CFAP44: variants seen among roughly 807,000 people sequenced by gnomAD.
CFAP44 encodes cilia- and flagella-associated protein 44.
A neutral mutation model predicts 216.2 loss-of-function variants in CFAP44; 134 were observed. The observed-to-expected ratio is 0.62, with a 90% confidence interval of 0.54 to 0.72. The LOEUF (loss-of-function observed/expected upper bound fraction) is 0.72, where lower values mean the gene tolerates loss of function less well. Among genes scored for constraint, CFAP44 ranks in the 30% least tolerant of loss-of-function variants. CFAP44 has a pLI of 0.00. For synonymous variants in CFAP44, 700 were observed against 727.6 expected (o/e 0.96, Z 0.61); for missense variants, 2,035 against 2,182.1 (o/e 0.93, Z 1.34).
chr3:113,427,969 T>C (rs1043286513), intron 2 of CFAP44, among the ~76,000 whole-genome samples: 2 of 152,136 alleles, frequency 1.3e-5, no homozygotes, highest in African/African-American at 4.8e-5. Context: ...CAGAGCTACA[T>C]AGTAGATCTG....
chr3:113,395,847 G>T lies in CFAP44; in HGVS notation c.1793C>A (p.Thr598Asn). Residue 598 changes from threonine (T) to asparagine (N), a missense_variant, in exon 15 of 35, where the codon ACT (threonine) becomes AAT (asparagine). Around this residue, in one of 3 missense-constraint regions of CFAP44, gnomAD observed 1,883 missense variants for 2,023.7 expected, o/e 0.93. Coordinates refer to ENST00000393845, the MANE Select transcript of CFAP44 (RefSeq NM_001164496.2). ...CCTTTCCACTTCAAAGAAGAAAACA[G>T]TTTGATCTTTACTCTAAGGAAAAAG... Reference protein sequence around the residue: ...EILATGSKDQTVFFFEVERDY... With the variant: ...EILATGSKDQNVFFFEVERDY... The T allele has an allele frequency of 6.2e-7, 1 of 1,612,964 alleles. No individual in the cohort carries two copies. The highest frequency in any genetic ancestry group is 8.5e-7 in the Non-Finnish European group (1 of 1,179,388).
rs776599988 is a variant in CFAP44, at chr3:113,396,612, T to C, written c.1685A>G (p.Asp562Gly). 7 of 1,614,126 alleles carry C rather than the reference T, an allele frequency of 4.3e-6. No homozygotes were observed. In the South Asian group the frequency reaches 6.6e-5, roughly 15 times the overall value. The change falls in exon 14 of 35, where the codon GAT (aspartate) becomes GGT (glycine). Residue 562 changes from aspartate to glycine, a missense_variant. Physicochemically the swap from Asp to Gly is moderately conservative, Grantham distance 94 (BLOSUM62 -1). Around this residue, in one of 3 missense-constraint regions of CFAP44, gnomAD observed 1,883 missense variants for 2,023.7 expected, o/e 0.93. Transcript: ENST00000393845. ...AACCTGTTTCAACTGAATATCAGCATCCAAAATTTTCTTCCGTCCCGCAAA... is the reference window on the plus strand; with the variant it reads ...AACCTGTTTCAACTGAATATCAGCACCCAAAATTTTCTTCCGTCCCGCAAA... ...TIFAGRKKILDADIQLKQVFK... is the reference protein window; with the variant it reads ...TIFAGRKKILGADIQLKQVFK...
At position 113,330,520 on chromosome 3, in the gene CFAP44, TTGGGAA is replaced by T. The variant is rs1467190051; in HGVS notation, c.3758_3763del (p.Ile1253_Pro1254del). The T allele has an allele frequency of 1.3e-6, 2 of 1,537,272 alleles. No homozygotes were observed. The highest frequency in any genetic ancestry group is 3.9e-5 in the Admixed American group (2 of 50,994). The stretch of plus-strand genomic sequence containing the variant: ...TTCTTCTGGGTGTATCTGAGGAATT[TTGGGAA>T]TGGGTATGTGCTTGGATATGTGAAG... On this transcript the variant is annotated inframe_deletion, in exon 26 of 35. Coordinates refer to ENST00000393845, the MANE Select transcript of CFAP44 (RefSeq NM_001164496.2).
intron 34 of CFAP44, 21 bp from the exon 35 acceptor site, chr3:113,291,769 C>T (rs538899148): frequency 2.5e-4 from 380 of 1,534,000 alleles, no homozygotes; most frequent in Non-Finnish European, 3.1e-4. Context: ...AAAACAGCTC[C>T]CTGTTGAAGC....
chr3:113,364,049 C>T (rs1241973473), intron 19 of CFAP44, among the ~76,000 whole-genome samples: 2 of 152,026 alleles, frequency 1.3e-5, no homozygotes, highest in Non-Finnish European at 2.9e-5. Flanking sequence ...ATATAATCCC[C>T]CTCCTTGAAA....
chr3:113,418,986 G>T (rs998858343), intron 5 of CFAP44, among the ~76,000 whole-genome samples: 2 of 152,204 alleles, frequency 1.3e-5, no homozygotes, highest in African/African-American at 2.4e-5. Flanking sequence ...TTATAGGCAT[G>T]AGCCACCGTG....
intron 2 of CFAP44, among the ~76,000 whole-genome samples, chr3:113,431,261 T>C (rs553216062): frequency 1.3e-5 from 2 of 152,144 alleles, no homozygotes; most frequent in Admixed American, 6.5e-5. Context: ...ACATTATCAT[T>C]TGGGAGTCTA....
At chr3:113,414,560 T>C (rs1190814696) in intron 6 of CFAP44, among the ~76,000 whole-genome samples, 2 of 152,222 alleles carry the variant, frequency 1.3e-5, no homozygotes, top group African/African-American at 4.8e-5. Context: ...TTGAGAGTTT[T>C]TGAAATGAAG....
In CFAP44 at chr3:113,426,201, G is replaced by A; in HGVS notation, c.330C>T (p.Phe110=). Residue 110 remains phenylalanine, a synonymous_variant, in exon 4 of 35, where the codon TTC becomes TTT. Transcript: ENST00000393845. ...EVKKKISESF[F]YDYMELASMP... is the part of the protein sequence containing the mutation. ...TCGAAGCAAGCTCCATATAATCATA[G>A]AAGAAGCTCTCTGATATTTTCTTCT... The A allele has an allele frequency of 6.2e-7, 1 of 1,614,156 alleles. No homozygotes were observed. The highest frequency in any genetic ancestry group is 8.5e-7 in the Non-Finnish European group (1 of 1,179,992).
Position 113,362,845 on chromosome 3 carries a change from AAAG to A in CFAP44, c.2934+297_2934+299del. ...TGTATCTGTTATTCATGTCTCTATA[AAAG>A]AAAACTTAAAAGAACTCTTGGGTTC... is the stretch of plus-strand genomic sequence containing the variant. On this transcript the variant is annotated intron_variant, in intron 21 of 34. Transcript: ENST00000393845. The A allele has an allele frequency of 3.5e-6, 4 of 1,127,066 alleles. No homozygotes were observed. In the South Asian group the frequency reaches 1.5e-4, roughly 41 times the overall value. 69.8% of individuals were successfully genotyped at this position (1,127,066 alleles called of 1,614,324 possible). A position where few individuals can be genotyped will look rare whatever the true frequency, so the allele number is the denominator to read the frequency against.
chr3:113,351,716 C>A (rs1395946361), intron 22 of CFAP44, among the ~76,000 whole-genome samples: 2 of 150,404 alleles, frequency 1.3e-5, no homozygotes, highest in Non-Finnish European at 3.0e-5. Context: ...CTCATACCAA[C>A]CTCTGGAGTT....
intron 33 of CFAP44, among the ~76,000 whole-genome samples, chr3:113,296,266 A>G (rs923499576): frequency 1.3e-5 from 2 of 152,184 alleles, no homozygotes; most frequent in African/African-American, 4.8e-5. Flanking sequence ...GGTATTCTAT[A>G]TACATATATA....
rs144955566 is a variant in CFAP44 at position 113,357,767 on chromosome 3, C to T, written c.3065+978G>A. ...AACTGAAGAGTGTAAATTTTCAAAC[C>T]GTTTTGAAAAACTGACAGGATCTAA... On this transcript the variant is annotated intron_variant, in intron 22 of 34. Transcript: ENST00000393845. Among the ~76,000 whole-genome samples, 416 of 152,178 alleles carry T rather than the reference C, an allele frequency of 2.7e-3. 3 individuals carry two copies. Among genetic ancestry groups the T allele is most frequent in the African/African-American group, 9.2e-3 (383 of 41,520 alleles).
chr3:113,316,296 C>A (rs1421417080), intron 28 of CFAP44, among the ~76,000 whole-genome samples: 2 of 151,912 alleles, frequency 1.3e-5, no homozygotes, highest in African/African-American at 4.8e-5. Context: ...GCAGCCAAAG[C>A]AGAGTTAAGA....
intron 28 of CFAP44, among the ~76,000 whole-genome samples, chr3:113,323,926 C>G (rs544955354): frequency 8.6e-4 from 131 of 152,102 alleles, no homozygotes; most frequent in South Asian, 2.3e-3. Flanking sequence ...TGCCTATAGT[C>G]CCAGCTACTT....
At chr3:113,362,002 A>G (rs1430233029) in intron 21 of CFAP44, among the ~76,000 whole-genome samples, 4 of 151,546 alleles carry the variant, frequency 2.6e-5, no homozygotes, top group African/African-American at 9.7e-5. Context: ...CCCACCACAC[A>G]CTGAAGGTTC....
intron 29 of CFAP44, 21 bp from the exon 30 acceptor site, chr3:113,306,352 A>C (rs1949985533): frequency 1.3e-6 from 2 of 1,531,532 alleles, no homozygotes; most frequent in African/African-American, 2.8e-5. Flanking sequence ...AATTAAAATA[A>C]AAACCAGCCT....
chr3:113,364,831 A>G (rs1161530429), intron 19 of CFAP44, among the ~76,000 whole-genome samples: 1 of 152,164 alleles, frequency 6.6e-6, no homozygotes, highest in Non-Finnish European at 1.5e-5. Flanking sequence ...GGGCTCTGGC[A>G]TCTGTACTTC....
chr3:113,304,131 ACAAAT>A lies in CFAP44; in HGVS notation c.4876-19_4876-15del. ...CACATACTCTATCTACAAGCATAAA[ACAAAT>A]CAAAAGAAAATAGACAAAAACACAG... On this transcript the variant is annotated splice_polypyrimidine_tract_variant and intron_variant, in intron 31 of 34. Coordinates refer to ENST00000393845, the MANE Select transcript of CFAP44 (RefSeq NM_001164496.2). 6.6e-7 allele frequency: 1 copy of A among 1,525,422 alleles called. No individual in the cohort carries two copies. The highest frequency in any genetic ancestry group is 8.8e-7 in the Non-Finnish European group (1 of 1,140,448). The allele number at this position is 1,525,422 out of a possible 1,614,324, so 94.5% of individuals were successfully genotyped here. A position where few individuals can be genotyped will look rare whatever the true frequency, so the allele number is the denominator to read the frequency against.
Sources: allele counts gnomAD v4.1 joint callset (sites outside exome capture counted in the v4.1 genomes callset), GRCh38; gene constraint gnomAD v4.1.1; regional missense constraint gnomAD v4.1.1; transcripts MANE v1.5; gene names NCBI Gene and HGNC (gene_info 2026-07-23, HGNC 2026-07-21).